MRRF: variants seen among roughly 807,000 people sequenced by gnomAD.
MRRF encodes the protein mitochondrial ribosome recycling factor, also known as ribosome-recycling factor, mitochondrial.
Under a neutral mutation model 25.1 loss-of-function variants are expected in MRRF, and 18 were observed. The observed-to-expected ratio is 0.72, with a 90% confidence interval of 0.50 to 1.06. The LOEUF is 1.06. Ranked by LOEUF, MRRF falls within the 50% of genes least tolerant of loss-of-function variation. MRRF has a pLI of 0.00. For missense variants in MRRF, 323 were observed against 319.3 expected, an observed-to-expected ratio of 1.01 and a Z score of -0.09; for synonymous variants, 113 against 112.1, an observed-to-expected ratio of 1.01 and a Z score of -0.05.
Position 122,274,435 on chromosome 9 carries a change from T to C in MRRF, c.184+3360T>C, listed in dbSNP as rs1471728507. Reference sequence around the variant, plus strand: ...ACTTTGGGAGGCCAAGGTGGGTGGATCACTTGAGGTCAGTAGTTGGAGACC... The same window carrying C: ...ACTTTGGGAGGCCAAGGTGGGTGGACCACTTGAGGTCAGTAGTTGGAGACC... On this transcript the variant is annotated intron_variant, in intron 2 of 6. Coordinates refer to ENST00000344641, the MANE Select transcript of MRRF (RefSeq NM_138777.5). Among the ~76,000 whole-genome samples, 3 of 152,102 alleles carry C rather than the reference T, an allele frequency of 2.0e-5. No individual in the cohort carries two copies. In the East Asian group the frequency reaches 5.8e-4, roughly 29 times the overall value.
intron 6 of MRRF, among the ~76,000 whole-genome samples, chr9:122,318,008 G>C (rs1192217278): frequency 2.0e-5 from 3 of 152,052 alleles, no homozygotes; most frequent in Non-Finnish European, 4.4e-5. Context: ...ATGGTGGTGG[G>C]CATCTGTAGT....
chr9:122,268,237 G>A (rs1832241844), intron 1 of MRRF, among the ~76,000 whole-genome samples: 1 of 152,098 alleles, frequency 6.6e-6, no homozygotes, highest in Non-Finnish European at 1.5e-5. Flanking sequence ...GTTGTCTTCC[G>A]GTTCACGTGT....
chr9:122,313,118 A>G lies in MRRF; in HGVS notation c.552-109A>G, dbSNP rs1835303371. The G allele has an allele frequency of 3.5e-6, 4 of 1,151,386 alleles. No homozygotes were observed. The East Asian group carries it at 1.0e-4, about 29-fold the overall frequency. The allele number at this position is 1,151,386 out of a possible 1,614,324, so 71.3% of individuals were successfully genotyped here. A position where few individuals can be genotyped will look rare whatever the true frequency, so the allele number is the denominator to read the frequency against. ...TGGAAATTCCAGGAGTTCAGCCCACAGAGAGGAAAGTTACAAACTGCTGAA... is the reference window on the plus strand; with the variant it reads ...TGGAAATTCCAGGAGTTCAGCCCACGGAGAGGAAAGTTACAAACTGCTGAA... On this transcript the variant is annotated intron_variant, in intron 5 of 6. Transcript: ENST00000344641.
intron 2 of MRRF, among the ~76,000 whole-genome samples, chr9:122,280,020 G>C (rs1287943106): frequency 6.6e-6 from 1 of 152,164 alleles, no homozygotes; most frequent in Non-Finnish European, 1.5e-5. Context: ...TTTCTGAAAA[G>C]TAAGGGATTA....
At chr9:122,267,069 CA>C (rs755642170) in intron 1 of MRRF, among the ~76,000 whole-genome samples, 127 of 77,462 alleles carry the variant, frequency 1.6e-3, no homozygotes, top group Admixed American at 2.3e-3. Context: ...GACTCCGTCT[CA>C]AAAAAAAAAA....
intron 6 of MRRF, among the ~76,000 whole-genome samples, chr9:122,319,147 C>CTTTTTTTTTTTTT (rs35949709): frequency 4.1e-5 from 5 of 121,032 alleles, no homozygotes; most frequent in Admixed American, 1.7e-4. Flanking sequence ...TTCTTTCTTT[C>CTTTTTTTTTTTTT]TTTTTTTTTT....
At chr9:122,294,594 A>G (rs1833970587) in intron 5 of MRRF, among the ~76,000 whole-genome samples, 1 of 152,198 alleles carries the variant, frequency 6.6e-6, no homozygotes, top group East Asian at 1.9e-4. Flanking sequence ...AGTTTTCCAG[A>G]TAAAAAATGA....
intron 1 of MRRF, among the ~76,000 whole-genome samples, chr9:122,269,377 T>G (rs1832314271): frequency 1.3e-5 from 2 of 152,098 alleles, no homozygotes; most frequent in African/African-American, 4.8e-5. Context: ...TGTAGGCTAT[T>G]TTGTACATCA....
chr9:122,313,813 T>C (rs141564161), intron 6 of MRRF, among the ~76,000 whole-genome samples: 50 of 152,302 alleles, frequency 3.3e-4, no homozygotes, highest in Admixed American at 1.4e-3. Context: ...AATTGAGCAC[T>C]TAGTGTTCTC....
rs1832925135 is a variant in MRRF at position 122,278,792 on chromosome 9, G to GA, written c.185-1651_185-1650insA. ...CTTGGGCGTTTATAAAGATCTCTTT[G>GA]TCCTTTGTTTTCTGCAGTCACAACA... On this transcript the variant is annotated intron_variant, in intron 2 of 6. Coordinates refer to ENST00000344641, the MANE Select transcript of MRRF (RefSeq NM_138777.5). Among the ~76,000 whole-genome samples, 16 of 152,076 alleles carry GA rather than the reference G, an allele frequency of 1.1e-4. No homozygotes were observed. The South Asian group carries it at 3.3e-3, about 32-fold the overall frequency.
intron 5 of MRRF, among the ~76,000 whole-genome samples, chr9:122,299,477 A>G (rs1255366767): frequency 6.6e-6 from 1 of 152,100 alleles, no homozygotes; most frequent in Non-Finnish European, 1.5e-5. Flanking sequence ...GGAGAGGTCA[A>G]GTAGGCTGTT....
chr9:122,277,616 T>G (rs1832855057), intron 2 of MRRF, among the ~76,000 whole-genome samples: 2 of 152,198 alleles, frequency 1.3e-5, no homozygotes, highest in African/African-American at 4.8e-5. Context: ...AGTGGTGCAG[T>G]GTCGGCTCAC....
intron 5 of MRRF, among the ~76,000 whole-genome samples, chr9:122,309,665 T>C (rs1231866363): frequency 6.6e-6 from 1 of 152,246 alleles, no homozygotes; most frequent in East Asian, 1.9e-4. Flanking sequence ...TTAATTTGCA[T>C]GTGTTTGTGT....
chr9:122,327,369 A>G lies in MRRF; in HGVS notation c.*4752A>G, dbSNP rs1464122378. The G allele has an allele frequency of 6.6e-6, 1 of 152,192 alleles. No homozygotes were observed. The highest frequency in any genetic ancestry group is 1.5e-5 in the Non-Finnish European group (1 of 68,026). The allele number at this position is 152,192 out of a possible 1,614,324, so 9.4% of individuals were successfully genotyped here. A position where few individuals can be genotyped will look rare whatever the true frequency, so the allele number is the denominator to read the frequency against. ...TTGTTGCATTGAAACCACTCAGTGA[A>G]ACTTTGCGGTTAGACAAAGAGTGAT... On this transcript the variant is annotated 3_prime_UTR_variant, in exon 7 of 7. Transcript: ENST00000344641.
At chr9:122,274,795 A>G (rs1411321361) in intron 2 of MRRF, among the ~76,000 whole-genome samples, 9 of 151,640 alleles carry the variant, frequency 5.9e-5, no homozygotes, top group Non-Finnish European at 1.2e-4. Flanking sequence ...ATCTGCATCT[A>G]CTTTCTTCTT....
chr9:122,312,154 C>G (rs1835243525), intron 5 of MRRF, among the ~76,000 whole-genome samples: 1 of 152,130 alleles, frequency 6.6e-6, no homozygotes, highest in East Asian at 1.9e-4. Flanking sequence ...AGAATACAGG[C>G]CAGAAAGATC....
In MRRF at chr9:122,285,167, A is replaced by G. The variant is rs748499705; in HGVS notation, c.341-2A>G. 5.7e-6 allele frequency: 9 copies of G among 1,592,318 alleles called. No individual in the cohort carries two copies. Among genetic ancestry groups the G allele is most frequent in the Non-Finnish European group, 6.0e-6 (7 of 1,160,362 alleles). On this transcript the variant is annotated splice_acceptor_variant, in intron 3 of 6. Coordinates refer to ENST00000344641, the MANE Select transcript of MRRF (RefSeq NM_138777.5). LOFTEE classifies it high-confidence loss of function. ...TCTAAAACTCTGTAATTTTTCTTTT[A>G]GGATCCCTTGACAAGATTGCTGTGG...
rs976743282 is a variant in MRRF at position 122,322,464 on chromosome 9, C to A, written c.712-76C>A. The A allele has an allele frequency of 3.1e-6, 4 of 1,303,744 alleles. No homozygotes were observed. In the African/African-American group the frequency reaches 4.4e-5, roughly 14 times the overall value. The allele number at this position is 1,303,744 out of a possible 1,614,324, so 80.8% of individuals were successfully genotyped here. ...ATTATTATTTCTCACATAACCTTTT[C>A]ATGTTTCTGGAATATTCATCCCCCT... On this transcript the variant is annotated intron_variant, in intron 6 of 6. Transcript: ENST00000344641.
chr9:122,329,214 C>T lies in MRRF; in HGVS notation c.*6597C>T, dbSNP rs998654712. 2.6e-5 allele frequency: 4 copies of T among 152,140 alleles called. No homozygotes were observed. Among genetic ancestry groups the T allele is most frequent in the African/African-American group, 7.2e-5 (3 of 41,420 alleles). The allele number at this position is 152,140 out of a possible 1,614,324, so 9.4% of individuals were successfully genotyped here. A position where few individuals can be genotyped will look rare whatever the true frequency, so the allele number is the denominator to read the frequency against. On this transcript the variant is annotated 3_prime_UTR_variant, in exon 7 of 7. Coordinates refer to ENST00000344641, the MANE Select transcript of MRRF (RefSeq NM_138777.5). ...TACCCTGATACCACCAGTGCTTAAG[C>T]GAAACGGAATTATTAGCTTTTCTGA...
Sources: allele counts gnomAD v4.1 joint callset (sites outside exome capture counted in the v4.1 genomes callset), GRCh38; gene constraint gnomAD v4.1.1; transcripts MANE v1.5; gene names NCBI Gene and HGNC (gene_info 2026-07-23, HGNC 2026-07-21).